WDFY3: variants seen among roughly 807,000 people sequenced by gnomAD.
WDFY3 encodes the protein WD repeat and FYVE domain containing 3, also known as WD repeat and FYVE domain-containing protein 3.
WDFY3 carries 66 observed loss-of-function variants against 409.6 expected under a neutral mutation model. The observed-to-expected ratio is 0.16, with a 90% CI of 0.13 to 0.20. WDFY3 has a LOEUF of 0.20. Ranked by LOEUF, WDFY3 falls within the 10% of genes least tolerant of loss-of-function variation. WDFY3 has a pLI of 1.00. For missense variants in WDFY3, 3,031 were observed against 4,298.1 expected (o/e 0.71, Z 8.24); for synonymous variants, 1,521 against 1,537.1 (o/e 0.99, Z 0.25).
At chr4:84,694,156 G>C (rs188635791) in intron 58 of WDFY3, among the ~76,000 whole-genome samples, 2 of 152,278 alleles carry the variant, frequency 1.3e-5, no homozygotes, top group African/African-American at 4.8e-5. Context: ...ATCTTTAAAT[G>C]TTTTATTCCT....
At chr4:84,814,337 T>C (rs1313144312) in intron 13 of WDFY3, among the ~76,000 whole-genome samples, 2 of 152,232 alleles carry the variant, frequency 1.3e-5, no homozygotes, top group South Asian at 2.1e-4. Flanking sequence ...GTTTCCTTTA[T>C]GTCATCATTT....
chr4:84,677,566 C>T (rs531957064), intron 66 of WDFY3, among the ~76,000 whole-genome samples, 170 bp from the exon 67 acceptor site: 72 of 152,266 alleles, frequency 4.7e-4, no homozygotes, highest in African/African-American at 1.7e-3. Flanking sequence ...AAAAACTGAA[C>T]CGAGCCCAAA....
At chr4:84,845,349 T>C (rs1032148996) in intron 5 of WDFY3, among the ~76,000 whole-genome samples, 1 of 152,198 alleles carries the variant, frequency 6.6e-6, no homozygotes, top group African/African-American at 2.4e-5. Context: ...AATAAAAGGT[T>C]ATATGAGCTA....
intron 38 of WDFY3, among the ~76,000 whole-genome samples, chr4:84,741,529 G>A (rs189553963): frequency 6.6e-6 from 1 of 152,150 alleles, no homozygotes; most frequent in East Asian, 1.9e-4. Context: ...CGGTCAGGCT[G>A]GTCTCCAACT....
chr4:84,888,345 T>C (rs1420351407), intron 3 of WDFY3, among the ~76,000 whole-genome samples: 1 of 152,198 alleles, frequency 6.6e-6, no homozygotes, highest in Non-Finnish European at 1.5e-5. Context: ...TTCCAGATTA[T>C]AGTAAACTAT....
intron 27 of WDFY3, 113 bp from the exon 28 acceptor site, chr4:84,775,251 T>C (rs1478299397): frequency 2.1e-6 from 2 of 937,864 alleles, no homozygotes; most frequent in African/African-American, 1.7e-5. Flanking sequence ...AATTATTATC[T>C]TGTAAAGTTC....
At chr4:84,724,094 A>AT (rs1735265275) in intron 46 of WDFY3, among the ~76,000 whole-genome samples, 1 of 152,248 alleles carries the variant, frequency 6.6e-6, no homozygotes, top group African/African-American at 2.4e-5. Context: ...GCCAAGGCAC[A>AT]TGTTCTCAAT....
In WDFY3 at chr4:84,735,134, GAA is replaced by G; in HGVS notation, c.6916-16_6916-15del. 1 of 1,603,172 alleles carries G rather than the reference GAA, an allele frequency of 6.2e-7. No homozygotes were observed. Among genetic ancestry groups the G allele is most frequent in the Non-Finnish European group, 8.5e-7 (1 of 1,175,248 alleles). ...CTGCGAAATCTCCTAACAATGGATG[GAA>G]AAAGAGTCTTAATATTTCATGGATT... is the stretch of plus-strand genomic sequence containing the variant. On this transcript the variant is annotated splice_polypyrimidine_tract_variant and intron_variant, in intron 42 of 67. Transcript: ENST00000295888.
At chr4:84,804,147 C>CTG (rs1751119780) in intron 15 of WDFY3, 1 of 152,310 alleles carries the variant, frequency 6.6e-6, no homozygotes, top group South Asian at 2.1e-4. Flanking sequence ...CAGCCATGTC[C>CTG]TGAATGTACA....
At chr4:84,749,002 C>T (rs1740011015) in intron 36 of WDFY3, among the ~76,000 whole-genome samples, 1 of 151,996 alleles carries the variant, frequency 6.6e-6, no homozygotes, top group South Asian at 2.1e-4. Context: ...AGCGATCCTT[C>T]CACCTTAGCC....
chr4:84,856,467 T>C (rs1759777822), intron 4 of WDFY3, among the ~76,000 whole-genome samples: 1 of 152,184 alleles, frequency 6.6e-6, no homozygotes, highest in Non-Finnish European at 1.5e-5. Context: ...GACTAAATGT[T>C]AATTATTTTT....
intron 66 of WDFY3, among the ~76,000 whole-genome samples, chr4:84,677,961 C>CAAAAAAAAAAA (rs986393073): frequency 9.9e-3 from 208 of 20,974 alleles, no homozygotes; most frequent in Non-Finnish European, 0.014. Flanking sequence ...GACCCTGTCT[C>CAAAAAAAAAAA]AAAAAAAAAA....
Position 84,753,843 on chromosome 4 carries a change from G to A in WDFY3, c.5593C>T (p.Arg1865Ter). 1 of 1,605,452 alleles carries A rather than the reference G, an allele frequency of 6.2e-7. No homozygotes were observed. Among genetic ancestry groups the A allele is most frequent in the Non-Finnish European group, 8.5e-7 (1 of 1,176,498 alleles). The change falls in exon 35 of 68, where the codon CGA (arginine) becomes TGA (stop). Residue 1865 changes from arginine (R) to a stop codon, truncating the protein, a stop_gained. Coordinates refer to ENST00000295888, the MANE Select transcript of WDFY3 (RefSeq NM_014991.6). LOFTEE classifies it high-confidence loss of function. ...TGCATCAGGGTCACAGGATATTCTC[G>A]GAGCCAAGATCCCTCTTCTTCTGAT... ...WQSEEEGSWL[R>*]EYPVTLMQFF...
intron 2 of WDFY3, among the ~76,000 whole-genome samples, chr4:84,926,065 G>A (rs536119098): frequency 6.7e-6 from 1 of 149,086 alleles, no homozygotes; most frequent in South Asian, 2.1e-4. Flanking sequence ...CGCCCAGGCT[G>A]GAGTATAGCG....
chr4:84,932,703 G>C (rs1234896553), intron 1 of WDFY3, among the ~76,000 whole-genome samples: 1 of 152,134 alleles, frequency 6.6e-6, no homozygotes, highest in African/African-American at 2.4e-5. Flanking sequence ...TTCCAGTCCA[G>C]TACTCATTTG....
At chr4:84,891,786 T>C (rs1026983257) in intron 3 of WDFY3, among the ~76,000 whole-genome samples, 4 of 152,158 alleles carry the variant, frequency 2.6e-5, no homozygotes, top group Non-Finnish European at 5.9e-5. Flanking sequence ...CTACTTTTTG[T>C]TTTTAGGGAA....
At chr4:84,914,198 G>C (rs1265399603) in intron 2 of WDFY3, among the ~76,000 whole-genome samples, 1 of 152,030 alleles carries the variant, frequency 6.6e-6, no homozygotes, top group Admixed American at 6.6e-5. Context: ...GAGGCGGGCG[G>C]ATCACAAGGT....
intron 64 of WDFY3, among the ~76,000 whole-genome samples, chr4:84,681,505 T>C (rs1231983923): frequency 1.3e-5 from 2 of 152,206 alleles, no homozygotes; most frequent in East Asian, 3.9e-4. Context: ...GCCCAAGGGA[T>C]CTTTTTTCTT....
chr4:84,739,570 G>T (rs969400264), intron 39 of WDFY3, among the ~76,000 whole-genome samples: 32 of 152,088 alleles, frequency 2.1e-4, no homozygotes, highest in Admixed American at 9.8e-4. Context: ...AGTAGCAGTT[G>T]TCTCCATTCT....
Sources: gnomAD v4.1 joint callset for allele counts (sites outside exome capture counted in the v4.1 genomes callset) on GRCh38, gnomAD v4.1.1 for gene constraint, MANE v1.5 for transcripts, NCBI Gene and HGNC (gene_info 2026-07-23, HGNC 2026-07-21) for gene names.